The following SGCD variants were observed in gnomAD, a reference collection of about 807,000 sequenced individuals.
SGCD encodes the protein sarcoglycan delta.
SGCD carries 18 observed loss-of-function variants against 36.6 expected under a neutral mutation model. That is an observed-to-expected ratio of 0.49 (90% CI 0.34 to 0.73). The LOEUF (loss-of-function observed/expected upper bound fraction) is 0.73, where lower values mean the gene tolerates loss of function less well. Ranked by LOEUF, SGCD falls within the 30% of genes least tolerant of loss-of-function variation. The pLI is 0.01. For synonymous variants in SGCD, 133 were observed against 130.6 expected, an observed-to-expected ratio of 1.02 and a Z score of -0.12; for missense variants, 387 against 346.7, an observed-to-expected ratio of 1.12 and a Z score of -0.92.
intron 1 of SGCD, among the ~76,000 whole-genome samples, chr5:155,890,477 T>G (rs1391558666): frequency 6.6e-6 from 1 of 151,796 alleles, no homozygotes; most frequent in Admixed American, 6.6e-5. Context: ...ATACAAAATT[T>G]TGCCAGAAAT....
the SGCD span, among the ~76,000 whole-genome samples, chr5:155,858,781 T>C: frequency 6.6e-6 from 1 of 152,220 alleles, no homozygotes; most frequent in Admixed American, 6.5e-5. Flanking sequence ...GCAGCATCAG[T>C]ATCACCTGGG....
At chr5:156,536,464 A>G (rs1003503948) in intron 4 of SGCD, among the ~76,000 whole-genome samples, 5 of 152,226 alleles carry the variant, frequency 3.3e-5, no homozygotes, top group African/African-American at 1.2e-4. Context: ...TTATTTGACC[A>G]TGTCATTGCT....
At chr5:155,980,693 A>G (rs998551629) in intron 1 of SGCD, among the ~76,000 whole-genome samples, 3 of 148,080 alleles carry the variant, frequency 2.0e-5, no homozygotes, top group African/African-American at 2.5e-5. Context: ...CATGGACTGC[A>G]CAGGTGAACT....
At position 155,917,616 on chromosome 5, in the gene SGCD, T is replaced by C. The variant is rs574061697; in HGVS notation, c.-282+47192T>C. ...AAATAAAACATACAGCCTAACCAAC[T>C]AGAAAGTAGGCTTTTTCCTGGGAAC... On this transcript the variant is annotated intron_variant, in intron 1 of 9. Coordinates refer to the SGCD transcript ENST00000517913. 1.4e-4 allele frequency among the ~76,000 whole-genome samples: 21 copies of C among 152,220 alleles called. 1 individual carries two copies. Among genetic ancestry groups the C allele is most frequent in the African/African-American group, 4.6e-4 (19 of 41,552 alleles).
chr5:155,802,728 A>G, the SGCD span, among the ~76,000 whole-genome samples: 11 of 152,312 alleles, frequency 7.2e-5, no homozygotes, highest in African/African-American at 2.6e-4. Flanking sequence ...ATTTTTAGCA[A>G]TGAATTGCAT....
intron 6 of SGCD, among the ~76,000 whole-genome samples, chr5:156,611,069 T>A (rs1054548818): frequency 2.0e-5 from 3 of 152,126 alleles, no homozygotes; most frequent in Non-Finnish European, 4.4e-5. Flanking sequence ...TGTCCAACAG[T>A]CCCCAGTGAG....
intron 1 of SGCD, among the ~76,000 whole-genome samples, chr5:156,108,228 TA>T (rs1319198700): frequency 6.6e-5 from 10 of 152,102 alleles, no homozygotes; most frequent in African/African-American, 9.7e-5. Context: ...AAATGTTAAT[TA>T]AAAAAATTTA....
intron 3 of SGCD, among the ~76,000 whole-genome samples, chr5:156,478,983 C>T (rs1755310783): frequency 6.6e-6 from 1 of 152,144 alleles, no homozygotes; most frequent in South Asian, 2.1e-4. Flanking sequence ...AATCGGCCCA[C>T]TCTCATGTTT....
rs374815887 is a variant in SGCD at position 156,637,545 on chromosome 5, T to A, written c.503-9919T>A. The stretch of plus-strand genomic sequence containing the variant: ...TACCCTCTTGTGGACAGTAAAACTT[T>A]CTCAGTGCTCCTCCCCAGTAGACAG... On this transcript the variant is annotated intron_variant, in intron 6 of 8. Coordinates refer to ENST00000337851, the MANE Select transcript of SGCD (RefSeq NM_000337.6). Among the ~76,000 whole-genome samples, 17 of 152,250 alleles carry A rather than the reference T, an allele frequency of 1.1e-4. No homozygotes were observed. In the East Asian group the frequency reaches 3.1e-3, roughly 28 times the overall value.
At chr5:156,753,244 G>T (rs1440611264) in intron 7 of SGCD, among the ~76,000 whole-genome samples, 1 of 152,150 alleles carries the variant, frequency 6.6e-6, no homozygotes, top group African/African-American at 2.4e-5. Flanking sequence ...CCCAGCTCCG[G>T]CCCCCACCCT....
intron 3 of SGCD, among the ~76,000 whole-genome samples, chr5:156,289,224 G>C (rs897378407): frequency 1.3e-5 from 2 of 152,030 alleles, no homozygotes; most frequent in Admixed American, 6.6e-5. Context: ...TAGCATTAAG[G>C]ATCCTATTTA....
chr5:156,579,828 C>T (rs1413958006), intron 4 of SGCD, among the ~76,000 whole-genome samples: 1 of 152,144 alleles, frequency 6.6e-6, no homozygotes, highest in Non-Finnish European at 1.5e-5. Flanking sequence ...AGGTGGGTCT[C>T]CTGAATACAG....
intron 1 of SGCD, among the ~76,000 whole-genome samples, chr5:156,077,672 T>C (rs1467272201): frequency 6.6e-6 from 1 of 152,108 alleles, no homozygotes; most frequent in East Asian, 1.9e-4. Flanking sequence ...TCTCCAATAG[T>C]CTTGAAATCT....
At chr5:156,602,450 C>G (rs1581235869) in intron 6 of SGCD, among the ~76,000 whole-genome samples, 1 of 151,770 alleles carries the variant, frequency 6.6e-6, no homozygotes, top group Non-Finnish European at 1.5e-5. Context: ...TTGTTTGTTT[C>G]TTTCTTTCTC....
rs1051035922 is a variant in SGCD at position 156,235,560 on chromosome 5, G to C, written c.-43-93974G>C. On this transcript the variant is annotated intron_variant, in intron 3 of 9. Coordinates refer to the SGCD transcript ENST00000517913. ...GTAGCCTATAGCAGTGTCAGAGATA[G>C]AGTTGTTCTCTATTGATTATGAATT... Among the ~76,000 whole-genome samples, 6 of 152,314 alleles carry C rather than the reference G, an allele frequency of 3.9e-5. No homozygotes were observed. In the East Asian group the frequency reaches 1.2e-3, roughly 29 times the overall value.
At chr5:155,906,986 G>A (rs937681915) in intron 1 of SGCD, among the ~76,000 whole-genome samples, 1 of 152,076 alleles carries the variant, frequency 6.6e-6, no homozygotes, top group Non-Finnish European at 1.5e-5. Flanking sequence ...TGGTTTTAAA[G>A]CTTCACAGGG....
intron 4 of SGCD, among the ~76,000 whole-genome samples, chr5:156,582,009 T>C (rs916603580): frequency 6.6e-6 from 1 of 152,154 alleles, no homozygotes. Flanking sequence ...GCATCAATCA[T>C]GCTGGGAGAT....
intron 4 of SGCD, among the ~76,000 whole-genome samples, chr5:156,572,342 C>A (rs913162257): frequency 2.6e-5 from 4 of 152,132 alleles, no homozygotes; most frequent in Admixed American, 1.3e-4. Flanking sequence ...TCATAGCAGT[C>A]GCACCCTTTT....
chr5:156,144,398 T>G (rs532995810), intron 3 of SGCD, among the ~76,000 whole-genome samples: 18 of 152,316 alleles, frequency 1.2e-4, no homozygotes, highest in Non-Finnish European at 2.4e-4. Flanking sequence ...CTCCAGAACC[T>G]GTTGTTTCCT....
Sources: gnomAD v4.1 joint callset for allele counts (sites outside exome capture counted in the v4.1 genomes callset) on GRCh38, gnomAD v4.1.1 for gene constraint, MANE v1.5 for transcripts, NCBI Gene and HGNC (gene_info 2026-07-23, HGNC 2026-07-21) for gene names.